Variants in C14orf39 observed in about 807,000 individuals in gnomAD.
C14orf39 encodes the protein chromosome 14 open reading frame 39, also known as protein SIX6OS1.
C14orf39 carries 66 observed loss-of-function variants against 85.6 expected under a neutral mutation model. The observed-to-expected ratio is 0.77, with a 90% CI of 0.63 to 0.95. The LOEUF (loss-of-function observed/expected upper bound fraction) is 0.95. C14orf39 is among the 40% of genes least tolerant of loss of function. The pLI is 0.00. For missense variants in C14orf39, 735 were observed against 663.9 expected, an observed-to-expected ratio of 1.11 and a Z score of -1.18; for synonymous variants, 242 against 214.0, an observed-to-expected ratio of 1.13 and a Z score of -1.14.
At chr14:60,442,970 C>CA (rs1267130462) in intron 16 of C14orf39, among the ~76,000 whole-genome samples, 51 of 152,132 alleles carry the variant, frequency 3.4e-4, no homozygotes, top group Non-Finnish European at 7.4e-5. Flanking sequence ...TAACTATTTG[C>CA]AATCTTATTG....
At chr14:60,470,199 T>C (rs140042840) in intron 7 of C14orf39, among the ~76,000 whole-genome samples, 286 of 151,938 alleles carry the variant, frequency 1.9e-3, no homozygotes, top group African/African-American at 6.7e-3. Context: ...TTGGACTTTC[T>C]ACTTGAACTG....
chr14:60,442,337 G>C (rs566094194), intron 16 of C14orf39, among the ~76,000 whole-genome samples: 62 of 152,168 alleles, frequency 4.1e-4, no homozygotes, highest in African/African-American at 1.4e-3. Context: ...CTATTGATTT[G>C]ATTCAGGCAA....
intron 2 of C14orf39, chr14:60,496,203 C>T (rs901357677): frequency 7.1e-6 from 3 of 424,546 alleles, no homozygotes; most frequent in African/African-American, 2.0e-5. Context: ...TTCACATGTT[C>T]ATCTGAATTC....
intron 2 of C14orf39, chr14:60,496,073 C>T (rs1893065970): frequency 2.5e-6 from 2 of 785,788 alleles, no homozygotes; most frequent in Non-Finnish European, 4.0e-6. Context: ...CATCCAGAGA[C>T]AGACCTTGGC....
intron 1 of C14orf39, chr14:60,512,220 G>A (rs1438908361): frequency 6.6e-6 from 1 of 152,172 alleles, no homozygotes; most frequent in African/African-American, 2.4e-5. Context: ...AATTTAGGAA[G>A]CCAAACTATG....
Position 60,461,378 on chromosome 14 carries a change from G to T in C14orf39, c.1093C>A (p.Gln365Lys). The change falls in exon 13 of 18, where the codon CAG becomes AAG. Residue 365 changes from glutamine (Q) to lysine (K), a missense_variant. Gln to Lys is a moderately conservative substitution (Grantham distance 53, BLOSUM62 1). Coordinates refer to ENST00000321731, the MANE Select transcript of C14orf39 (RefSeq NM_174978.3). ...CCTTTATCCCCTTTTTCCGACCACT[G>T]ATTGGAATTTGATTGTTTCTGTGGG... is the stretch of plus-strand genomic sequence containing the variant. ...LTPQKQSNSNQWSEKGDKDAE... is the reference protein window; with the variant it reads ...LTPQKQSNSNKWSEKGDKDAE... 1.2e-6 allele frequency: 2 copies of T among 1,610,938 alleles called. No homozygotes were observed. Among genetic ancestry groups the T allele is most frequent in the Non-Finnish European group, 1.7e-6 (2 of 1,178,270 alleles).
intron 15 of C14orf39, among the ~76,000 whole-genome samples, chr14:60,456,600 A>T (rs1477211316): frequency 1.3e-5 from 2 of 149,732 alleles, no homozygotes; most frequent in Non-Finnish European, 3.0e-5. Flanking sequence ...AAAAATCTCA[A>T]ATCTACACAC....
intron 5 of C14orf39, among the ~76,000 whole-genome samples, chr14:60,473,436 T>C (rs992813949): frequency 1.3e-5 from 2 of 152,220 alleles, no homozygotes; most frequent in African/African-American, 4.8e-5. Flanking sequence ...ATTTTGGCTT[T>C]TGTTGCCATT....
At chr14:60,441,936 G>T (rs1890534106) in intron 17 of C14orf39, 138 bp downstream of exon 17, 1 of 571,058 alleles carries the variant, frequency 1.8e-6, no homozygotes, top group Non-Finnish European at 3.1e-6. Flanking sequence ...AGAAAGAAAA[G>T]AATATCAGTG....
rs770838671 is a variant in C14orf39 at position 60,455,030 on chromosome 14, C to T, written c.1474G>A (p.Val492Ile). ...TCTGATGAGATTTCTGTATCAAATACAGAAGAATCAAATAAATTCAATCCA... is the reference window on the plus strand; with the variant it reads ...TCTGATGAGATTTCTGTATCAAATATAGAAGAATCAAATAAATTCAATCCA... Reference protein sequence around the residue: ...SPGLNLFDSSVFDTEISSDQF... With the variant: ...SPGLNLFDSSIFDTEISSDQF... Residue 492 changes from valine to isoleucine, a missense_variant, in exon 16 of 18, where the codon GTA becomes ATA. Val to Ile is a conservative substitution (Grantham distance 29). Coordinates refer to ENST00000321731, the MANE Select transcript of C14orf39 (RefSeq NM_174978.3). 1 of 1,567,006 alleles carries T rather than the reference C, an allele frequency of 6.4e-7. No homozygotes were observed. Among genetic ancestry groups the T allele is most frequent in the Non-Finnish European group, 8.6e-7 (1 of 1,163,320 alleles).
chr14:60,511,524 A>G, intron 1 of C14orf39: 1 of 573,846 alleles, frequency 1.7e-6, no homozygotes, highest in East Asian at 3.0e-5. Flanking sequence ...TTTTGCTGCA[A>G]AGTCTCCTTC....
intron 1 of C14orf39, chr14:60,509,907 C>T (rs1478357698): frequency 1.2e-6 from 2 of 1,612,328 alleles, no homozygotes; most frequent in South Asian, 1.1e-5. Context: ...CTGACCCCTA[C>T]GCAGGTGGGC....
chr14:60,442,147 C>T lies in C14orf39; in HGVS notation c.1504-16G>A. 6.6e-7 allele frequency: 1 copy of T among 1,522,444 alleles called. No individual in the cohort carries two copies. Among genetic ancestry groups the T allele is most frequent in the Non-Finnish European group, 9.1e-7 (1 of 1,097,916 alleles). 94.3% of individuals were successfully genotyped at this position (1,522,444 alleles called of 1,614,324 possible). A position where few individuals can be genotyped will look rare whatever the true frequency, so the allele number is the denominator to read the frequency against. ...GTTCATTAAACTGGAAAATAATTTC[C>T]ATTAAATATTACTTGTGAAATCAGT... is the stretch of plus-strand genomic sequence containing the variant. On this transcript the variant is annotated splice_polypyrimidine_tract_variant and intron_variant, in intron 16 of 17. Coordinates refer to ENST00000321731, the MANE Select transcript of C14orf39 (RefSeq NM_174978.3).
At chr14:60,465,718 T>C (rs1306848665) in intron 11 of C14orf39, among the ~76,000 whole-genome samples, 4 of 152,174 alleles carry the variant, frequency 2.6e-5, no homozygotes, top group South Asian at 2.1e-4. Context: ...AGCTTGGTAT[T>C]TGAAAATATC....
At chr14:60,502,145 C>A (rs995608273) in intron 1 of C14orf39, among the ~76,000 whole-genome samples, 1 of 152,138 alleles carries the variant, frequency 6.6e-6, no homozygotes, top group African/African-American at 2.4e-5. Context: ...ACACTATTTC[C>A]CTTTTCTATG....
At chr14:60,511,523 A>G in intron 1 of C14orf39, 2 of 576,380 alleles carry the variant, frequency 3.5e-6, no homozygotes, top group Non-Finnish European at 6.2e-6. Flanking sequence ...ATTTTGCTGC[A>G]AAGTCTCCTT....
At chr14:60,465,912 G>A in intron 11 of C14orf39, 67 bp downstream of exon 11, 4 of 760,056 alleles carry the variant, frequency 5.3e-6, no homozygotes, top group African/African-American at 1.8e-5. Context: ...CTTAAGGGCA[G>A]TACATTCATT....
chr14:60,469,802 G>T, intron 7 of C14orf39, 149 bp from the exon 8 acceptor site: 1 of 379,302 alleles, frequency 2.6e-6, no homozygotes, highest in Non-Finnish European at 4.5e-6. Flanking sequence ...TCTGAAAACA[G>T]GAGAATAATA....
At chr14:60,455,619 T>C (rs1323264683) in intron 15 of C14orf39, among the ~76,000 whole-genome samples, 1 of 152,066 alleles carries the variant, frequency 6.6e-6, no homozygotes. Context: ...TAAATTATAA[T>C]ATGATTTGGG....
Sources: allele counts gnomAD v4.1 joint callset (sites outside exome capture counted in the v4.1 genomes callset), GRCh38; gene constraint gnomAD v4.1.1; transcripts MANE v1.5; gene names NCBI Gene and HGNC (gene_info 2026-07-23, HGNC 2026-07-21).